PSEN1: variants seen among roughly 807,000 people sequenced by gnomAD.
PSEN1 encodes the protein presenilin-1.
Under a neutral mutation model 53.5 loss-of-function variants are expected in PSEN1, and 15 were observed. The ratio of observed to expected loss-of-function variants is 0.28; its 90% CI spans 0.19 to 0.43. The LOEUF (loss-of-function observed/expected upper bound fraction) is 0.43. Ranked by LOEUF, PSEN1 falls within the 20% of genes least tolerant of loss-of-function variation. The pLI, the probability that PSEN1 is intolerant of heterozygous loss-of-function variation, is 1.00. For missense variants in PSEN1, 387 were observed against 571.2 expected, an observed-to-expected ratio of 0.68 and a Z score of 3.29; for synonymous variants, 208 against 209.8, an observed-to-expected ratio of 0.99 and a Z score of 0.08.
chr14:73,206,509 A>C, intron 9 of PSEN1, 37 bp downstream of exon 9: 1 of 1,423,594 alleles, frequency 7.0e-7, no homozygotes, highest in Non-Finnish European at 9.9e-7. Context: ...TTGATTTTTC[A>C]GGGTCACTGT....
At chr14:73,195,101 T>A (rs1323790410) in intron 7 of PSEN1, among the ~76,000 whole-genome samples, 3 of 152,256 alleles carry the variant, frequency 2.0e-5, no homozygotes, top group Non-Finnish European at 4.4e-5. Context: ...AACCATCTAT[T>A]CTTGCTTAGC....
rs138972350 is a variant in PSEN1 at position 73,197,703 on chromosome 14, CTA to C, written c.770-326_770-325del. 2,604 of 322,070 alleles carry C rather than the reference CTA, an allele frequency of 8.1e-3. 64 individuals carry two copies. The highest frequency in any genetic ancestry group is 0.051 in the African/African-American group (2,363 of 46,552). The allele number at this position is 322,070 out of a possible 1,614,324, so 20.0% of individuals were successfully genotyped here. On this transcript the variant is annotated intron_variant, in intron 7 of 11. Transcript: ENST00000324501. The stretch of plus-strand genomic sequence containing the variant: ...TAGGTTGACAACTGCTTAAAATAGT[CTA>C]TCTCATCATTATCTCTGCAGCTTTC...
chr14:73,179,406 C>T (rs536678798), intron 5 of PSEN1, among the ~76,000 whole-genome samples: 2 of 152,314 alleles, frequency 1.3e-5, no homozygotes, highest in African/African-American at 4.8e-5. Context: ...TGCCTGAGCT[C>T]ATGAGTTTAT....
rs374546705 is a variant in PSEN1, at chr14:73,222,291, C to T, written c.*3002C>T. 3 of 152,192 alleles carry T rather than the reference C, an allele frequency of 2.0e-5. No homozygotes were observed. The highest frequency in any genetic ancestry group is 7.2e-5 in the African/African-American group (3 of 41,450). 9.4% of individuals were successfully genotyped at this position (152,192 alleles called of 1,614,324 possible). A position where few individuals can be genotyped will look rare whatever the true frequency, so the allele number is the denominator to read the frequency against. ...AACAACTGAAGAGGCAGTGTTTTTA[C>T]TTTCAGACTCCGGGATTCCCATTCT... On this transcript the variant is annotated 3_prime_UTR_variant, in exon 12 of 12. Coordinates refer to ENST00000324501, the MANE Select transcript of PSEN1 (RefSeq NM_000021.4).
chr14:73,185,751 A>G (rs1484465704), intron 5 of PSEN1, among the ~76,000 whole-genome samples: 1 of 152,182 alleles, frequency 6.6e-6, no homozygotes, highest in African/African-American at 2.4e-5. Context: ...GGGGTTCACC[A>G]TATTGGCCAG....
chr14:73,222,167 A>G lies in PSEN1; in HGVS notation c.*2878A>G, dbSNP rs1900130062. 1 of 152,232 alleles carries G rather than the reference A, an allele frequency of 6.6e-6. No individual in the cohort carries two copies. The allele number at this position is 152,232 out of a possible 1,614,324, so 9.4% of individuals were successfully genotyped here. A position where few individuals can be genotyped will look rare whatever the true frequency, so the allele number is the denominator to read the frequency against. ...TTCCTAGAATCACAGCTCTGACTCC[A>G]AATGACTCAATTTCTCAATTAGAAA... On this transcript the variant is annotated 3_prime_UTR_variant, in exon 12 of 12. Coordinates refer to ENST00000324501, the MANE Select transcript of PSEN1 (RefSeq NM_000021.4).
At chr14:73,191,517 T>A (rs1898715285) in intron 6 of PSEN1, among the ~76,000 whole-genome samples, 1 of 152,192 alleles carries the variant, frequency 6.6e-6, no homozygotes, top group African/African-American at 2.4e-5. Flanking sequence ...ATCTCCCACT[T>A]TGAAATTCCA....
At chr14:73,213,773 A>G (rs997657187) in intron 10 of PSEN1, among the ~76,000 whole-genome samples, 1 of 152,248 alleles carries the variant, frequency 6.6e-6, no homozygotes, top group African/African-American at 2.4e-5. Flanking sequence ...ATCATTAGCC[A>G]TCAAGGAAAT....
At position 73,186,897 on chromosome 14, in the gene PSEN1, C is replaced by CT. The variant is rs1174374799; in HGVS notation, c.532dup (p.Ser178PhefsTer10). On this transcript the variant is annotated frameshift_variant, in exon 6 of 12. Transcript: ENST00000324501. LOFTEE classifies it high-confidence loss of function. ...TTATATCATCTCTATTGTTGCTGTT[C>CT]TTTTTTTCATTCATTTACTTGGGGT... 2 of 1,613,476 alleles carry CT rather than the reference C, an allele frequency of 1.2e-6. No homozygotes were observed. Among genetic ancestry groups the CT allele is most frequent in the Non-Finnish European group, 1.7e-6 (2 of 1,179,622 alleles).
intron 3 of PSEN1, among the ~76,000 whole-genome samples, chr14:73,165,992 G>A (rs1213009651): frequency 6.6e-6 from 1 of 152,022 alleles, no homozygotes; most frequent in Non-Finnish European, 1.5e-5. Context: ...AGAGGCAGAG[G>A]TTGCAGTGAG....
At position 73,147,840 on chromosome 14, in the gene PSEN1, A is replaced by G. The variant is rs1273055633; in HGVS notation, c.-90A>G. The G allele has an allele frequency of 1.6e-6, 1 of 628,532 alleles. No homozygotes were observed. The highest frequency in any genetic ancestry group is 1.8e-5 in the African/African-American group (1 of 55,102). The allele number at this position is 628,532 out of a possible 1,614,324, so 38.9% of individuals were successfully genotyped here. ...AGTGACAACAGCCTTTGCGGTCCTT[A>G]GACAGCTTGGCCTGGAGGAGAACAC... On this transcript the variant is annotated 5_prime_UTR_variant, in exon 2 of 12. Transcript: ENST00000324501.
At chr14:73,178,020 G>C (rs1455323681) in intron 5 of PSEN1, among the ~76,000 whole-genome samples, 1 of 151,836 alleles carries the variant, frequency 6.6e-6, no homozygotes, top group Non-Finnish European at 1.5e-5. Flanking sequence ...CCCGGTTCAA[G>C]TGATTCTCCT....
At chr14:73,166,969 A>G (rs1897735198) in intron 3 of PSEN1, among the ~76,000 whole-genome samples, 1 of 152,122 alleles carries the variant, frequency 6.6e-6, no homozygotes, top group Non-Finnish European at 1.5e-5. Context: ...TTGTATTGCT[A>G]TAACAGAATA....
At chr14:73,216,088 A>G (rs947680396) in intron 10 of PSEN1, among the ~76,000 whole-genome samples, 9 of 152,250 alleles carry the variant, frequency 5.9e-5, no homozygotes, top group Middle Eastern at 3.2e-3. Flanking sequence ...AAACCATATA[A>G]TGGAAAACCA....
intron 8 of PSEN1, among the ~76,000 whole-genome samples, chr14:73,199,938 G>A (rs781456602): frequency 3.3e-5 from 5 of 152,040 alleles, no homozygotes; most frequent in African/African-American, 4.8e-5. Flanking sequence ...GTGGAGACAC[G>A]GTTTCACCAT....
At chr14:73,166,300 A>G (rs1247033118) in intron 3 of PSEN1, among the ~76,000 whole-genome samples, 1 of 152,198 alleles carries the variant, frequency 6.6e-6, no homozygotes, top group Non-Finnish European at 1.5e-5. Flanking sequence ...AACTGTTCAT[A>G]TGACCTAAAA....
intron 3 of PSEN1, 92 bp downstream of exon 3, chr14:73,148,198 G>C (rs1340591491): frequency 3.2e-5 from 32 of 991,750 alleles, no homozygotes; most frequent in Non-Finnish European, 1.4e-5. Context: ...GGCTAGGCAG[G>C]CTTTCTCTAC....
At chr14:73,200,073 C>T (rs944919573) in intron 8 of PSEN1, among the ~76,000 whole-genome samples, 1 of 152,024 alleles carries the variant, frequency 6.6e-6, no homozygotes, top group Non-Finnish European at 1.5e-5. Context: ...TTGCCTGTGT[C>T]TGTGCATACA....
intron 3 of PSEN1, among the ~76,000 whole-genome samples, chr14:73,152,975 G>A (rs1897268212): frequency 6.6e-6 from 1 of 152,110 alleles, no homozygotes; most frequent in Admixed American, 6.6e-5. Context: ...AGGTTCACCT[G>A]GGAGGTCAAA....
Sources: gnomAD v4.1 joint callset for allele counts (sites outside exome capture counted in the v4.1 genomes callset) on GRCh38, gnomAD v4.1.1 for gene constraint, MANE v1.5 for transcripts, NCBI Gene and HGNC (gene_info 2026-07-23, HGNC 2026-07-21) for gene names.